Variants in SAXO1 observed in about 807,000 individuals in gnomAD.
SAXO1 encodes stabilizer of axonemal microtubules 1.
In SAXO1, 21 loss-of-function variants were observed where a neutral mutation model predicts 17.5. That is an observed-to-expected ratio of 1.20 (90% CI 0.85 to 1.72). The LOEUF is 1.72. Ranked by LOEUF, SAXO1 falls within the 40% of genes most tolerant of loss-of-function variation. The pLI is 0.00. For missense variants in SAXO1, 843 were observed against 596.0 expected, an observed-to-expected ratio of 1.41 and a Z score of -4.32; for synonymous variants, 274 against 216.5, an observed-to-expected ratio of 1.27 and a Z score of -2.33.
chr9:18,976,363 G>C (rs779688053), intron 1 of SAXO1, among the ~76,000 whole-genome samples: 7 of 152,184 alleles, frequency 4.6e-5, no homozygotes, highest in Admixed American at 3.3e-4. Flanking sequence ...CAGGGAGAGA[G>C]CTCTTGCTAC....
chr9:18,941,511 A>T, intron 3 of SAXO1, 126 bp downstream of exon 3: 2 of 1,050,132 alleles, frequency 1.9e-6, no homozygotes, highest in East Asian at 2.5e-5. Context: ...TGCTGGCCAG[A>T]TCTGGCCCGT....
chr9:18,943,569 C>G (rs1369422343), intron 2 of SAXO1, among the ~76,000 whole-genome samples: 1 of 152,206 alleles, frequency 6.6e-6, no homozygotes, highest in African/African-American at 2.4e-5. Flanking sequence ...GAAAGGGACT[C>G]TTGGTCAGAA....
intron 3 of SAXO1, among the ~76,000 whole-genome samples, chr9:18,936,421 G>T (rs188193368): frequency 6.6e-6 from 1 of 152,000 alleles, no homozygotes; most frequent in Non-Finnish European, 1.5e-5. Context: ...AGATGCCTAC[G>T]CACTCCCTCA....
intron 3 of SAXO1, among the ~76,000 whole-genome samples, chr9:18,937,567 T>C (rs1232753555): frequency 6.6e-6 from 1 of 152,176 alleles, no homozygotes; most frequent in East Asian, 1.9e-4. Context: ...TGCTGAAACT[T>C]AATCCCCAAT....
At chr9:18,940,378 A>G (rs188165062) in intron 3 of SAXO1, among the ~76,000 whole-genome samples, 1 of 152,346 alleles carries the variant, frequency 6.6e-6, no homozygotes, top group East Asian at 1.9e-4. Context: ...AAGAAGCTAA[A>G]GAAAATAAAA....
intron 1 of SAXO1, among the ~76,000 whole-genome samples, chr9:19,000,878 C>G (rs746744561): frequency 6.6e-6 from 1 of 152,106 alleles, no homozygotes; most frequent in Non-Finnish European, 1.5e-5. Context: ...AATTCAACAA[C>G]AGCAGCTAAC....
At chr9:18,984,166 G>C (rs1833502932) in intron 1 of SAXO1, among the ~76,000 whole-genome samples, 1 of 152,160 alleles carries the variant, frequency 6.6e-6, no homozygotes, top group African/African-American at 2.4e-5. Flanking sequence ...AGAAAACCAT[G>C]TTGTAAAAAG....
chr9:18,951,014 A>C, intron 1 of SAXO1, 77 bp from the exon 2 acceptor site: 1 of 1,398,676 alleles, frequency 7.1e-7, no homozygotes, highest in Non-Finnish European at 9.8e-7. Flanking sequence ...CTTCCGCCAA[A>C]TGTGACTCAG....
chr9:18,946,599 T>C (rs1831808719), intron 2 of SAXO1, among the ~76,000 whole-genome samples: 1 of 151,808 alleles, frequency 6.6e-6, no homozygotes, highest in East Asian at 1.9e-4. Context: ...TGTAGCAACA[T>C]TCTCACTGTA....
chr9:18,967,947 A>G (rs1046355486), intron 1 of SAXO1, among the ~76,000 whole-genome samples: 1 of 152,180 alleles, frequency 6.6e-6, no homozygotes, highest in African/African-American at 2.4e-5. Context: ...TCTGGGCCAG[A>G]TAGCACTGTC....
At chr9:19,041,154 A>G (rs2131070606) in intron 1 of SAXO1, among the ~76,000 whole-genome samples, 1 of 143,400 alleles carries the variant, frequency 7.0e-6, no homozygotes. Flanking sequence ...CCAACAGTGA[A>G]CAATCTGAAA....
At chr9:18,952,484 TA>T (rs1241807491) in intron 1 of SAXO1, among the ~76,000 whole-genome samples, 1 of 152,216 alleles carries the variant, frequency 6.6e-6, no homozygotes, top group Non-Finnish European at 1.5e-5. Context: ...CCACTGTTGT[TA>T]CTATGTACAT....
chr9:19,008,124 G>T (rs903538226), intron 1 of SAXO1, among the ~76,000 whole-genome samples: 5 of 151,964 alleles, frequency 3.3e-5, no homozygotes, highest in Non-Finnish European at 7.4e-5. Flanking sequence ...ACAGGTGCAT[G>T]CCATCACACC....
At chr9:18,967,951 C>T (rs949052665) in intron 1 of SAXO1, among the ~76,000 whole-genome samples, 6 of 152,154 alleles carry the variant, frequency 3.9e-5, no homozygotes, top group Admixed American at 3.9e-4. Flanking sequence ...GGCCAGATAG[C>T]ACTGTCCTTC....
chr9:18,960,621 C>T (rs569800975), intron 1 of SAXO1, among the ~76,000 whole-genome samples: 2 of 152,096 alleles, frequency 1.3e-5, no homozygotes, highest in South Asian at 4.2e-4. Context: ...CTACAAAAAA[C>T]AACATACAAA....
At chr9:19,012,791 C>G (rs62560432) in intron 1 of SAXO1, among the ~76,000 whole-genome samples, 5,755 of 152,246 alleles carry the variant, frequency 0.038, 135 homozygotes, top group Middle Eastern at 0.068. Flanking sequence ...GTAGATCTGT[C>G]TCATTCTAAA....
chr9:18,945,922 G>A (rs1181143351), intron 2 of SAXO1, among the ~76,000 whole-genome samples: 1 of 152,174 alleles, frequency 6.6e-6, no homozygotes, highest in Admixed American at 6.5e-5. Flanking sequence ...GCTCCAGTCT[G>A]TGCAAGGGAG....
chr9:18,934,203 C>T (rs2056592183), intron 3 of SAXO1, among the ~76,000 whole-genome samples: 3 of 152,050 alleles, frequency 2.0e-5, no homozygotes, highest in Admixed American at 1.3e-4. Context: ...TTGGATTGTG[C>T]CTCTTGAATG....
chr9:18,967,920 G>A (rs952694944), intron 1 of SAXO1, among the ~76,000 whole-genome samples: 23 of 152,216 alleles, frequency 1.5e-4, no homozygotes, highest in East Asian at 7.7e-4. Flanking sequence ...TGGGAAGACC[G>A]TTGGAAAAGT....
Sources: gnomAD v4.1 joint callset for allele counts (sites outside exome capture counted in the v4.1 genomes callset) on GRCh38, gnomAD v4.1.1 for gene constraint, MANE v1.5 for transcripts, NCBI Gene and HGNC (gene_info 2026-07-23, HGNC 2026-07-21) for gene names.